The following TMEM144 variants were observed in gnomAD, a reference collection of about 807,000 sequenced individuals.
TMEM144 encodes the protein transmembrane protein 144.
TMEM144 carries 39 observed loss-of-function variants against 43.6 expected under a neutral mutation model. That is an observed-to-expected ratio of 0.90 (90% confidence interval 0.69 to 1.17). The LOEUF (loss-of-function observed/expected upper bound fraction) is 1.17. TMEM144 is among the 50% of genes most tolerant of loss of function. TMEM144 has a pLI of 0.00. For synonymous variants in TMEM144, 154 were observed against 133.6 expected (o/e 1.15, Z -1.06); for missense variants, 417 against 411.9 (o/e 1.01, Z -0.11).
intron 6 of TMEM144, among the ~76,000 whole-genome samples, chr4:158,231,681 A>G (rs529180702): frequency 1.6e-4 from 24 of 152,224 alleles, no homozygotes; most frequent in Non-Finnish European, 3.2e-4. Context: ...TAGGGAAGAA[A>G]GAGAAGCAAG....
rs139498265 is a variant in TMEM144 at position 158,238,258 on chromosome 4, G to C, written c.682+615G>C. Among the ~76,000 whole-genome samples, 280 of 152,280 alleles carry C rather than the reference G, an allele frequency of 1.8e-3. 1 individual carries two copies. Among genetic ancestry groups the C allele is most frequent in the African/African-American group, 6.3e-3 (262 of 41,574 alleles). Reference sequence around the variant, plus strand: ...CAACCATGAAATGATAAGAGAATAAGATCATTCATAAAATAAAGTTCTAAA... The same window carrying C: ...CAACCATGAAATGATAAGAGAATAACATCATTCATAAAATAAAGTTCTAAA... On this transcript the variant is annotated intron_variant, in intron 9 of 12. Coordinates refer to ENST00000296529, the MANE Select transcript of TMEM144 (RefSeq NM_018342.5).
intron 12 of TMEM144, among the ~76,000 whole-genome samples, chr4:158,245,495 T>C (rs1735846991): frequency 6.6e-6 from 1 of 152,032 alleles, no homozygotes; most frequent in South Asian, 2.1e-4. Context: ...CCTCTCTGTG[T>C]GTATAGTCCT....
At chr4:158,248,952 G>A (rs181732107) in intron 12 of TMEM144, among the ~76,000 whole-genome samples, 275 of 152,214 alleles carry the variant, frequency 1.8e-3, no homozygotes, top group Non-Finnish European at 3.0e-3. Flanking sequence ...TGTTGCCCAC[G>A]GTGGAGTGGA....
At chr4:158,249,471 A>G (rs1736070435) in intron 12 of TMEM144, among the ~76,000 whole-genome samples, 1 of 152,174 alleles carries the variant, frequency 6.6e-6, no homozygotes, top group South Asian at 2.1e-4. Flanking sequence ...GCTCTTTCCA[A>G]GAGTTAACAT....
At position 158,230,882 on chromosome 4, in the gene TMEM144, T is replaced by A. The variant is rs1202069220; in HGVS notation, c.414-2019T>A. On this transcript the variant is annotated intron_variant, in intron 6 of 12. Transcript: ENST00000296529. ...AAAACATAACAAATTTAATCAAAGT[T>A]CTGCATGACATGGGAACCTGAAGAC... Among the ~76,000 whole-genome samples, 3 of 152,158 alleles carry A rather than the reference T, an allele frequency of 2.0e-5. No individual in the cohort carries two copies. The East Asian group carries it at 5.8e-4, about 29-fold the overall frequency.
chr4:158,224,379 A>G (rs896628201), intron 6 of TMEM144, among the ~76,000 whole-genome samples: 1 of 152,088 alleles, frequency 6.6e-6, no homozygotes, highest in Non-Finnish European at 1.5e-5. Context: ...CTCTGATGAT[A>G]GTTTCTTTTG....
At position 158,249,887 on chromosome 4, in the gene TMEM144, GGTGTGTGT is replaced by G. The variant is rs149144602; in HGVS notation, c.955-3518_955-3511del. 5.7e-3 allele frequency among the ~76,000 whole-genome samples: 764 copies of G among 134,500 alleles called. 6 individuals carry two copies. Among genetic ancestry groups the G allele is most frequent in the Middle Eastern group, 0.023 (6 of 258 alleles). The allele number at this position is 134,500 out of a possible 152,430, so 88.2% of individuals were successfully genotyped here. ...CTGGGAAATCCAAAGCCTACTGCCA[GGTGTGTGT>G]GTGTGTGTGTGTGTGTGTGTGTGTG... On this transcript the variant is annotated intron_variant, in intron 12 of 12. Transcript: ENST00000296529.
intron 6 of TMEM144, among the ~76,000 whole-genome samples, chr4:158,220,150 T>A (rs553166339): frequency 6.6e-6 from 1 of 152,218 alleles, no homozygotes; most frequent in Non-Finnish European, 1.5e-5. Flanking sequence ...ATATTTGCCT[T>A]CCTTCAGCAA....
Position 158,237,595 on chromosome 4 carries a change from G to A in TMEM144, c.634G>A (p.Asp212Asn), listed in dbSNP as rs1364201269. 1 of 1,613,826 alleles carries A rather than the reference G, an allele frequency of 6.2e-7. No individual in the cohort carries two copies. Among genetic ancestry groups the A allele is most frequent in the Non-Finnish European group, 8.5e-7 (1 of 1,179,878 alleles). ...STFVPIIYIK[D>N]HSKRNDSIYA... is the part of the protein sequence containing the mutation. ...ATTTGTGCCAATCATCTACATCAAG[G>A]ACCACAGCAAAAGAAATGATAGTAT... Residue 212 changes from aspartate (D) to asparagine (N), a missense_variant, in exon 9 of 13, where the codon GAC becomes AAC. Physicochemically the swap from Asp to Asn is conservative, Grantham distance 23. Transcript: ENST00000296529.
intron 3 of TMEM144, among the ~76,000 whole-genome samples, chr4:158,214,420 T>A (rs1298933856): frequency 6.6e-6 from 1 of 152,232 alleles, no homozygotes; most frequent in Non-Finnish European, 1.5e-5. Context: ...TCTTCCAAAG[T>A]TAGTGCCAGA....
At chr4:158,234,672 T>G (rs974494617) in intron 7 of TMEM144, 1 of 152,198 alleles carries the variant, frequency 6.6e-6, no homozygotes, top group Non-Finnish European at 1.5e-5. Flanking sequence ...ATATAGTATG[T>G]CTTTGTATCT....
chr4:158,241,739 T>G, intron 11 of TMEM144, 133 bp downstream of exon 11: 4 of 632,828 alleles, frequency 6.3e-6, no homozygotes, highest in Non-Finnish European at 5.5e-6. Context: ...TGGATTCAGA[T>G]AGATAAACTG....
At chr4:158,212,951 T>G (rs1189333092) in intron 3 of TMEM144, 175 bp downstream of exon 3, 1 of 637,558 alleles carries the variant, frequency 1.6e-6, no homozygotes, top group Admixed American at 2.6e-5. Context: ...AAAGTCAGAA[T>G]AGGAGAACCA....
intron 2 of TMEM144, chr4:158,211,826 A>C (rs1390573452): frequency 6.6e-6 from 1 of 152,242 alleles, no homozygotes; most frequent in Middle Eastern, 3.2e-3. Context: ...CAGTTAAACT[A>C]TCTTTAATAA....
At chr4:158,249,887 GGTGT>G (rs149144602) in intron 12 of TMEM144, among the ~76,000 whole-genome samples, 66,508 of 133,914 alleles carry the variant, frequency 0.5, 16,689 homozygotes, top group South Asian at 0.67. Flanking sequence ...CCTACTGCCA[GGTGT>G]GTGTGTGTGT....
chr4:158,228,286 G>T (rs989996385), intron 6 of TMEM144, among the ~76,000 whole-genome samples: 1 of 150,322 alleles, frequency 6.7e-6, no homozygotes, highest in African/African-American at 2.4e-5. Context: ...GCCGATAAAG[G>T]CATGCCATGG....
At chr4:158,243,672 A>T (rs1028821997) in intron 11 of TMEM144, among the ~76,000 whole-genome samples, 1 of 151,844 alleles carries the variant, frequency 6.6e-6, no homozygotes, top group Admixed American at 6.6e-5. Context: ...GTCCTGTATT[A>T]TTTCATTCTT....
chr4:158,225,827 C>T (rs963683923), intron 6 of TMEM144, among the ~76,000 whole-genome samples: 3 of 152,240 alleles, frequency 2.0e-5, no homozygotes, highest in East Asian at 3.8e-4. Flanking sequence ...GTGAGAGACA[C>T]GAAGTGAATT....
chr4:158,216,466 G>A (rs1199368597), intron 4 of TMEM144, among the ~76,000 whole-genome samples: 3 of 152,164 alleles, frequency 2.0e-5, no homozygotes, highest in Non-Finnish European at 2.9e-5. Flanking sequence ...GGCACTTTCT[G>A]AGCATGAACA....
Sources: allele counts gnomAD v4.1 joint callset (sites outside exome capture counted in the v4.1 genomes callset), GRCh38; gene constraint gnomAD v4.1.1; transcripts MANE v1.5; gene names NCBI Gene and HGNC (gene_info 2026-07-23, HGNC 2026-07-21).